RGS6: variants seen among roughly 807,000 people sequenced by gnomAD.
The protein encoded by RGS6 is regulator of G protein signaling 6.
RGS6 carries 30 observed loss-of-function variants against 78.5 expected under a neutral mutation model. The ratio of observed to expected loss-of-function variants is 0.38; its 90% CI spans 0.29 to 0.52. RGS6 has a LOEUF of 0.52. Among genes scored for constraint, RGS6 ranks in the 20% least tolerant of loss-of-function variants. The pLI, the probability that RGS6 is intolerant of heterozygous loss-of-function variation, is 0.85. For missense variants in RGS6, 495 were observed against 609.7 expected (o/e 0.81, Z 1.98); for synonymous variants, 206 against 206.0 (o/e 1.00, Z 0.00).
intron 2 of RGS6, among the ~76,000 whole-genome samples, chr14:72,295,248 G>A (rs544019146): frequency 3.8e-4 from 56 of 147,420 alleles, no homozygotes; most frequent in African/African-American, 1.3e-3. Flanking sequence ...CCGAGATCCC[G>A]CCACTGCACT....
chr14:71,964,930 G>C (rs1248284682), intron 2 of RGS6, 55 bp downstream of exon 2: 3 of 1,308,912 alleles, frequency 2.3e-6, no homozygotes, highest in African/African-American at 1.5e-5. Flanking sequence ...GTTGTGTTCT[G>C]TGTAGGGCTG....
intron 2 of RGS6, among the ~76,000 whole-genome samples, chr14:72,037,557 T>C (rs928234440): frequency 6.6e-6 from 1 of 152,192 alleles, no homozygotes; most frequent in African/African-American, 2.4e-5. Flanking sequence ...AGGAACCAAC[T>C]CCAGACACAG....
At chr14:72,227,969 C>G (rs972508415) in intron 2 of RGS6, among the ~76,000 whole-genome samples, 10 of 152,022 alleles carry the variant, frequency 6.6e-5, no homozygotes, top group Non-Finnish European at 1.2e-4. Flanking sequence ...TATGAGGGTA[C>G]CAGGAGATCT....
chr14:72,577,233 C>A, the RGS6 span, among the ~76,000 whole-genome samples: 1 of 152,174 alleles, frequency 6.6e-6, no homozygotes, highest in Non-Finnish European at 1.5e-5. Context: ...ATTCTCTATT[C>A]ATAGCCATAT....
the RGS6 span, among the ~76,000 whole-genome samples, chr14:72,577,935 A>G: frequency 0.015 from 2,235 of 152,326 alleles, 31 homozygotes; most frequent in Non-Finnish European, 0.021. Context: ...TCCTAGCATG[A>G]GCTACCTTGA....
intron 3 of RGS6, among the ~76,000 whole-genome samples, chr14:72,434,330 C>T (rs912285388): frequency 6.6e-6 from 1 of 152,158 alleles, no homozygotes; most frequent in African/African-American, 2.4e-5. Context: ...GAGCGAGACC[C>T]TGTCTCTAAA....
chr14:72,502,826 G>C (rs2096746179), intron 13 of RGS6, among the ~76,000 whole-genome samples: 1 of 152,110 alleles, frequency 6.6e-6, no homozygotes, highest in Admixed American at 6.5e-5. Flanking sequence ...GGAGTATTCA[G>C]GACCCTCAGG....
chr14:72,384,842 C>A (rs1331981652), intron 3 of RGS6, among the ~76,000 whole-genome samples: 1 of 152,206 alleles, frequency 6.6e-6, no homozygotes, highest in African/African-American at 2.4e-5. Flanking sequence ...TCTCCGCCTC[C>A]CGGATTCAAG....
chr14:72,344,368 C>T (rs1232930728), intron 2 of RGS6, among the ~76,000 whole-genome samples: 1 of 152,198 alleles, frequency 6.6e-6, no homozygotes, highest in African/African-American at 2.4e-5. Flanking sequence ...TGGCTCCCCA[C>T]TCAACTGGTA....
At chr14:72,291,721 A>G (rs2063611207) in intron 2 of RGS6, among the ~76,000 whole-genome samples, 1 of 152,206 alleles carries the variant, frequency 6.6e-6, no homozygotes, top group Non-Finnish European at 1.5e-5. Flanking sequence ...AATCATGCTC[A>G]AAGAAAGGTT....
chr14:72,202,896 G>A lies in RGS6; in HGVS notation c.85-149199G>A, dbSNP rs569785575. Among the ~76,000 whole-genome samples, 261 of 151,802 alleles carry A rather than the reference G, an allele frequency of 1.7e-3. 2 individuals are homozygous for A. The highest frequency in any genetic ancestry group is 5.7e-3 in the African/African-American group (237 of 41,420). On this transcript the variant is annotated intron_variant, in intron 2 of 17. Coordinates refer to ENST00000553525, the MANE Select transcript of RGS6 (RefSeq NM_001204424.2). ...TTTGTTTTGTTTTGTTTTTTGAGGC[G>A]GAGTCTCGCTCTGTCGCCCAGGCTG...
intron 2 of RGS6, among the ~76,000 whole-genome samples, chr14:72,185,119 G>A (rs4902993): frequency 0.68 from 102,622 of 151,966 alleles, 34,736 homozygotes; most frequent in African/African-American, 0.72. Flanking sequence ...GAAGCATCCA[G>A]CGTGGGAGAA....
downstream of RGS6, among the ~76,000 whole-genome samples, chr14:72,567,608 T>C (rs1244464291): frequency 6.6e-6 from 1 of 152,216 alleles, no homozygotes; most frequent in Admixed American, 6.5e-5. Context: ...TGGGGACCTG[T>C]GGCATAACAG....
intron 2 of RGS6, among the ~76,000 whole-genome samples, chr14:72,023,917 G>C (rs555964771): frequency 6.6e-6 from 1 of 152,298 alleles, no homozygotes; most frequent in East Asian, 1.9e-4. Flanking sequence ...CTTGGTCCAA[G>C]TTAGAACATG....
intron 2 of RGS6, among the ~76,000 whole-genome samples, chr14:72,206,480 GTC>G (rs1491314712): frequency 6.6e-6 from 1 of 152,034 alleles, no homozygotes; most frequent in Admixed American, 6.5e-5. Context: ...GTGTGTGTGT[GTC>G]ACACACACAC....
intron 2 of RGS6, among the ~76,000 whole-genome samples, chr14:72,281,156 T>C (rs1237870439): frequency 6.7e-6 from 1 of 149,524 alleles, no homozygotes; most frequent in Non-Finnish European, 1.5e-5. Flanking sequence ...TTTTTTTTTT[T>C]TTTTTTTTTG....
At chr14:72,398,159 C>T (rs1377360538) in intron 3 of RGS6, among the ~76,000 whole-genome samples, 2 of 152,074 alleles carry the variant, frequency 1.3e-5, no homozygotes, top group African/African-American at 2.4e-5. Flanking sequence ...TGGTAGAATT[C>T]GGCTGTGAAT....
chr14:72,605,702 C>G, the RGS6 span, among the ~76,000 whole-genome samples: 2 of 152,270 alleles, frequency 1.3e-5, no homozygotes, highest in South Asian at 4.2e-4. Flanking sequence ...TACCAATGTC[C>G]CTCTGCTCTT....
the RGS6 span, among the ~76,000 whole-genome samples, chr14:72,614,777 G>GAAAAAAAAGAAAAA: frequency 1.0e-5 from 1 of 96,068 alleles, no homozygotes; most frequent in Non-Finnish European, 1.9e-5. Context: ...ACAAGCCTCA[G>GAAAAAAAAGAAAAA]AAAAAAAAAA....
Sources: allele counts gnomAD v4.1 joint callset (sites outside exome capture counted in the v4.1 genomes callset), GRCh38; gene constraint gnomAD v4.1.1; transcripts MANE v1.5; gene names NCBI Gene and HGNC (gene_info 2026-07-23, HGNC 2026-07-21).